SYT9: variants seen among roughly 807,000 people sequenced by gnomAD.
SYT9 encodes synaptotagmin 9, also known as synaptotagmin-9.
A neutral mutation model predicts 48.4 loss-of-function variants in SYT9; 22 were observed. The ratio of observed to expected loss-of-function variants is 0.45; its 90% CI spans 0.32 to 0.65. The LOEUF (loss-of-function observed/expected upper bound fraction) is 0.65. Ranked by LOEUF, SYT9 falls within the 30% of genes least tolerant of loss-of-function variation. The probability of loss-of-function intolerance (pLI) is 0.03; values close to 1 mark genes in which losing one functional copy is unlikely to be tolerated. For missense variants in SYT9, 577 were observed against 622.0 expected (o/e 0.93, Z 0.77); for synonymous variants, 265 against 245.0 (o/e 1.08, Z -0.76).
At chr11:7,327,920 G>A (rs1413254779) in intron 3 of SYT9, among the ~76,000 whole-genome samples, 1 of 97,100 alleles carries the variant, frequency 1.0e-5, no homozygotes, top group Non-Finnish European at 2.1e-5. Context: ...TGGGGACTGT[G>A]GTGGGGAGGG....
At chr11:7,294,013 A>C (rs983599240) in intron 1 of SYT9, among the ~76,000 whole-genome samples, 5 of 152,236 alleles carry the variant, frequency 3.3e-5, no homozygotes, top group Non-Finnish European at 5.9e-5. Flanking sequence ...GCTTATAAAC[A>C]GTAGAAAATT....
Position 7,309,963 on chromosome 11 carries a change from C to T in SYT9, c.498-3432C>T, listed in dbSNP as rs141939411. Among the ~76,000 whole-genome samples, 26 of 152,274 alleles carry T rather than the reference C, an allele frequency of 1.7e-4. No individual in the cohort carries two copies. The East Asian group carries it at 4.6e-3, about 27-fold the overall frequency. ...ACCTGTCATGCCCAGTTACAGTCTTCGCTGTCTGCTTTAAGCCACTACCTT... is the reference window on the plus strand; with the variant it reads ...ACCTGTCATGCCCAGTTACAGTCTTTGCTGTCTGCTTTAAGCCACTACCTT... On this transcript the variant is annotated intron_variant, in intron 2 of 6. Coordinates refer to ENST00000318881, the MANE Select transcript of SYT9 (RefSeq NM_175733.4).
chr11:7,330,822 G>C lies in SYT9; in HGVS notation c.1044+16881G>C, dbSNP rs1589950240. On this transcript the variant is annotated intron_variant, in intron 3 of 6. Transcript: ENST00000318881. ...AGCGATTCTCCTGCCTCAGCCTCCT[G>C]AGTAGCTGGGAATACAGGTGCCCAC... Among the ~76,000 whole-genome samples the C allele has an allele frequency of 2.0e-5, 3 of 152,060 alleles. No homozygotes were observed. The East Asian group carries it at 5.8e-4, about 29-fold the overall frequency.
intron 1 of SYT9, among the ~76,000 whole-genome samples, chr11:7,239,975 G>T (rs990538250): frequency 3.3e-5 from 5 of 152,174 alleles, no homozygotes; most frequent in Non-Finnish European, 7.3e-5. Flanking sequence ...GAACTGGAGA[G>T]TCATCAGCAT....
chr11:7,397,266 C>T (rs551451001), intron 3 of SYT9, among the ~76,000 whole-genome samples: 1 of 152,064 alleles, frequency 6.6e-6, no homozygotes, highest in African/African-American at 2.4e-5. Flanking sequence ...AAAAGAGTAT[C>T]CTTTATTAAA....
intron 3 of SYT9, among the ~76,000 whole-genome samples, chr11:7,336,316 T>A: frequency 6.6e-6 from 1 of 152,224 alleles, no homozygotes; most frequent in East Asian, 1.9e-4. Flanking sequence ...TGATAGTTTC[T>A]TTTGTTGTGC....
At chr11:7,314,039 C>T in intron 3 of SYT9, 98 bp downstream of exon 3, 3 of 1,369,348 alleles carry the variant, frequency 2.2e-6, no homozygotes, top group Middle Eastern at 2.0e-4. Flanking sequence ...GTGTAAAATT[C>T]CTGTCAATGT....
intron 6 of SYT9, among the ~76,000 whole-genome samples, chr11:7,452,970 C>T (rs746891838): frequency 2.6e-5 from 4 of 152,000 alleles, no homozygotes; most frequent in African/African-American, 4.8e-5. Context: ...TTAGTAGAGA[C>T]GGGGTTTCTT....
intron 1 of SYT9, among the ~76,000 whole-genome samples, chr11:7,259,657 C>A (rs1848042033): frequency 6.6e-6 from 1 of 151,780 alleles, no homozygotes; most frequent in Admixed American, 6.6e-5. Flanking sequence ...TGTTTTGAAC[C>A]TTCTTATATT....
chr11:7,293,851 T>C lies in SYT9; in HGVS notation c.146-9188T>C, dbSNP rs145876625. Among the ~76,000 whole-genome samples, 914 of 152,318 alleles carry C rather than the reference T, an allele frequency of 6.0e-3. 2 individuals carry two copies. The highest frequency in any genetic ancestry group is 0.017 in the Middle Eastern group (5 of 294). Reference sequence around the variant, plus strand: ...CATAGAAAGAAGCCCTCACTTTCTCTTTCTCCTGCTGAAGTCTTTTGGCCC... The same window carrying C: ...CATAGAAAGAAGCCCTCACTTTCTCCTTCTCCTGCTGAAGTCTTTTGGCCC... On this transcript the variant is annotated intron_variant, in intron 1 of 6. Coordinates refer to ENST00000318881, the MANE Select transcript of SYT9 (RefSeq NM_175733.4).
At position 7,393,217 on chromosome 11, in the gene SYT9, A is replaced by G. The variant is rs548126240; in HGVS notation, c.1045-22825A>G. 2.6e-5 allele frequency among the ~76,000 whole-genome samples: 4 copies of G among 151,078 alleles called. No homozygotes were observed. In the East Asian group the frequency reaches 5.8e-4, roughly 22 times the overall value. Reference sequence around the variant, plus strand: ...TGCTACCAGCTTTTGTTCATTCAGTATTATGTTGGCTGTGGATTTGTCATA... The same window carrying G: ...TGCTACCAGCTTTTGTTCATTCAGTGTTATGTTGGCTGTGGATTTGTCATA... On this transcript the variant is annotated intron_variant, in intron 3 of 6. Coordinates refer to ENST00000318881, the MANE Select transcript of SYT9 (RefSeq NM_175733.4).
Position 7,252,024 on chromosome 11 carries a change from C to A in SYT9, c.-163C>A. On this transcript the variant is annotated 5_prime_UTR_variant, in exon 1 of 7. Transcript: ENST00000318881. The surrounding 1 kb of genome is among the most constrained non-coding windows in gnomAD (Gnocchi z 6.3). ...AGAGCTGCATGCAACCGGTGGGAGGCCGGGCCGGCTGGGTCTGGGGCTCGG... is the reference window on the plus strand; with the variant it reads ...AGAGCTGCATGCAACCGGTGGGAGGACGGGCCGGCTGGGTCTGGGGCTCGG... The A allele has an allele frequency of 1.3e-6, 1 of 767,712 alleles. No homozygotes were observed. The highest frequency in any genetic ancestry group is 1.8e-6 in the Non-Finnish European group (1 of 544,818). The allele number at this position is 767,712 out of a possible 1,614,324, so 47.6% of individuals were successfully genotyped here.
chr11:7,437,158 T>C (rs1847727128), intron 6 of SYT9, among the ~76,000 whole-genome samples: 1 of 152,200 alleles, frequency 6.6e-6, no homozygotes, highest in Non-Finnish European at 1.5e-5. Flanking sequence ...AGGATAACTT[T>C]TCCAGAGATA....
In SYT9 at chr11:7,313,384, C is replaced by G; in HGVS notation, c.498-11C>G. On this transcript the variant is annotated splice_polypyrimidine_tract_variant and intron_variant, in intron 2 of 6. Transcript: ENST00000318881. ...GGTTATAACTTTGTTCTGTGTTGCT[C>G]TTCATTCAAGGCATAATTCAATCCG... 1 of 1,597,900 alleles carries G rather than the reference C, an allele frequency of 6.3e-7. No homozygotes were observed. The highest frequency in any genetic ancestry group is 1.1e-5 in the South Asian group (1 of 87,340).
intron 3 of SYT9, among the ~76,000 whole-genome samples, chr11:7,370,075 A>G (rs545023742): frequency 6.6e-6 from 1 of 152,092 alleles, no homozygotes; most frequent in East Asian, 1.9e-4. Flanking sequence ...CCAAGTCCCC[A>G]AAGTCCGTTG....
intron 2 of SYT9, among the ~76,000 whole-genome samples, chr11:7,309,139 C>T (rs1306773226): frequency 6.6e-6 from 1 of 152,140 alleles, no homozygotes; most frequent in Non-Finnish European, 1.5e-5. Flanking sequence ...CTGGGGTAGC[C>T]AAGTCTAATC....
chr11:7,285,849 C>A (rs186318462), intron 1 of SYT9, among the ~76,000 whole-genome samples: 1 of 152,194 alleles, frequency 6.6e-6, no homozygotes, highest in Non-Finnish European at 1.5e-5. Flanking sequence ...TGTCATTAAA[C>A]CTTAAAGTTC....
In SYT9 at chr11:7,418,144, C is replaced by T; in HGVS notation, c.1337+16C>T. On this transcript the variant is annotated intron_variant, in intron 5 of 6. Coordinates refer to ENST00000318881, the MANE Select transcript of SYT9 (RefSeq NM_175733.4). Reference sequence around the variant, plus strand: ...ACTATGACCGGTGAGATACCTGGAACTCTTTTCCAGTGCAAGTTCACTGTG... The same window carrying T: ...ACTATGACCGGTGAGATACCTGGAATTCTTTTCCAGTGCAAGTTCACTGTG... 6.2e-7 allele frequency: 1 copy of T among 1,611,148 alleles called. No individual in the cohort carries two copies. Among genetic ancestry groups the T allele is most frequent in the East Asian group, 2.2e-5 (1 of 44,858 alleles).
intron 6 of SYT9, among the ~76,000 whole-genome samples, chr11:7,432,578 A>ATATAT (rs1847615542): frequency 2.2e-4 from 2 of 9,044 alleles, no homozygotes; most frequent in African/African-American, 5.3e-4. Flanking sequence ...AAAAAAAAAA[A>ATATAT]AAAAATATAT....
Sources: allele counts gnomAD v4.1 joint callset (sites outside exome capture counted in the v4.1 genomes callset), GRCh38; gene constraint gnomAD v4.1.1; non-coding constraint Gnocchi (gnomAD v3.1); transcripts MANE v1.5; gene names NCBI Gene and HGNC (gene_info 2026-07-23, HGNC 2026-07-21).